MGAT4C: variants seen among roughly 807,000 people sequenced by gnomAD.
The protein encoded by MGAT4C is MGAT4 family member C, also known as alpha-1,3-mannosyl-glycoprotein 4-beta-N-acetylglucosaminyltransferase C.
A neutral mutation model predicts 40.1 loss-of-function variants in MGAT4C; 19 were observed. The observed-to-expected ratio is 0.47, with a 90% CI of 0.33 to 0.70. The LOEUF is 0.70. MGAT4C is among the 30% of genes least tolerant of loss of function. The pLI, the probability that MGAT4C is intolerant of heterozygous loss-of-function variation, is 0.02. For missense variants in MGAT4C, 491 were observed against 563.2 expected (o/e 0.87, Z 1.30); for synonymous variants, 181 against 187.1 (o/e 0.97, Z 0.27).
intron 2 of MGAT4C, among the ~76,000 whole-genome samples, chr12:86,565,365 T>G (rs181520933): frequency 1.8e-4 from 27 of 149,884 alleles, no homozygotes; most frequent in Non-Finnish European, 3.3e-4. Context: ...TATGATCAGT[T>G]GACAGAGGAA....
intron 1 of MGAT4C, among the ~76,000 whole-genome samples, chr12:86,177,228 G>A (rs1887549060): frequency 6.6e-6 from 1 of 152,072 alleles, no homozygotes; most frequent in South Asian, 2.1e-4. Flanking sequence ...AAGCAATTGG[G>A]CAGTCTAATT....
At chr12:86,300,500 G>A (rs9919782) in intron 4 of MGAT4C, among the ~76,000 whole-genome samples, 61 of 152,038 alleles carry the variant, frequency 4.0e-4, no homozygotes, top group African/African-American at 1.4e-3. Context: ...AAATGGAATG[G>A]GAAAGACAGA....
chr12:86,388,674 T>C (rs1182979153), intron 3 of MGAT4C, among the ~76,000 whole-genome samples: 1 of 147,436 alleles, frequency 6.8e-6, no homozygotes, highest in Non-Finnish European at 1.5e-5. Context: ...CAGCGTTTTT[T>C]GTTTTTTTTT....
At chr12:86,608,389 G>A (rs1318563651) in intron 2 of MGAT4C, among the ~76,000 whole-genome samples, 2 of 151,864 alleles carry the variant, frequency 1.3e-5, no homozygotes, top group South Asian at 2.1e-4. Context: ...GACCAGCCTG[G>A]GCAATATAGA....
intron 1 of MGAT4C, among the ~76,000 whole-genome samples, chr12:86,066,313 T>C (rs1592833948): frequency 6.6e-6 from 1 of 151,958 alleles, no homozygotes; most frequent in Non-Finnish European, 1.5e-5. Flanking sequence ...CAAACTATAC[T>C]ACAAGTCTAC....
chr12:86,596,586 C>T (rs1961546555), intron 2 of MGAT4C, among the ~76,000 whole-genome samples: 1 of 152,076 alleles, frequency 6.6e-6, no homozygotes, highest in South Asian at 2.1e-4. Context: ...TTATATTGCT[C>T]AAAAGGTTTT....
chr12:86,040,068 C>A (rs989816598), intron 2 of MGAT4C, among the ~76,000 whole-genome samples: 3 of 152,122 alleles, frequency 2.0e-5, no homozygotes, highest in African/African-American at 7.2e-5. Context: ...GCAGAACAAC[C>A]AAGATTGCTG....
In MGAT4C at chr12:85,975,594, G is replaced by A. The variant is rs1883914005; in HGVS notation, c.*3695C>T. ...TGTTTTGTCTCCCATGAAGACAAAA[G>A]GCATGCATATAAAATTTGTTGAAAC... On this transcript the variant is annotated 3_prime_UTR_variant, in exon 5 of 5. Coordinates refer to ENST00000611864, the MANE Select transcript of MGAT4C (RefSeq NM_001351288.2). 1 of 150,740 alleles carries A rather than the reference G, an allele frequency of 6.6e-6. No homozygotes were observed. Among genetic ancestry groups the A allele is most frequent in the Non-Finnish European group, 1.5e-5 (1 of 67,050 alleles). 9.3% of individuals were successfully genotyped at this position (150,740 alleles called of 1,614,324 possible).
chr12:86,494,791 T>C (rs1329916542), intron 2 of MGAT4C, among the ~76,000 whole-genome samples: 2 of 151,838 alleles, frequency 1.3e-5, no homozygotes, highest in African/African-American at 2.4e-5. Context: ...ATAATAAAAA[T>C]AGGCAACTAG....
intron 2 of MGAT4C, among the ~76,000 whole-genome samples, chr12:86,493,868 G>T (rs112496293): frequency 1.3e-5 from 2 of 151,890 alleles, no homozygotes. Context: ...ATAGAAAACC[G>T]TATGTTTAGG....
intron 1 of MGAT4C, among the ~76,000 whole-genome samples, chr12:86,253,268 G>C (rs2136080970): frequency 6.6e-6 from 1 of 151,888 alleles, no homozygotes; most frequent in African/African-American, 2.4e-5. Context: ...GTACCTAGAA[G>C]AGTGCCTGGC....
intron 2 of MGAT4C, among the ~76,000 whole-genome samples, chr12:86,450,887 T>C (rs1957416011): frequency 6.6e-6 from 1 of 152,194 alleles, no homozygotes; most frequent in African/African-American, 2.4e-5. Context: ...TATGTATTCA[T>C]ACTTTTATAT....
intron 4 of MGAT4C, among the ~76,000 whole-genome samples, chr12:86,267,813 T>C (rs1457891086): frequency 6.6e-6 from 1 of 152,134 alleles, no homozygotes; most frequent in African/African-American, 2.4e-5. Flanking sequence ...ATTGTTAAGA[T>C]CTTAGAACCA....
At chr12:86,065,317 A>G (rs1308878874) in intron 1 of MGAT4C, among the ~76,000 whole-genome samples, 1 of 152,216 alleles carries the variant, frequency 6.6e-6, no homozygotes, top group East Asian at 1.9e-4. Context: ...CCTCAATAAA[A>G]TATTGGCAAA....
intron 4 of MGAT4C, among the ~76,000 whole-genome samples, chr12:86,273,147 T>C (rs1382155199): frequency 2.6e-5 from 4 of 152,116 alleles, no homozygotes; most frequent in African/African-American, 7.2e-5. Context: ...CAAGATCAAT[T>C]TCCTGGATGT....
At chr12:86,712,594 T>C (rs866513934) in intron 2 of MGAT4C, among the ~76,000 whole-genome samples, 1 of 152,170 alleles carries the variant, frequency 6.6e-6, no homozygotes, top group African/African-American at 2.4e-5. Context: ...GACGAAACTA[T>C]TATTTTTGAA....
intron 1 of MGAT4C, among the ~76,000 whole-genome samples, chr12:86,178,709 T>C (rs1887764186): frequency 6.6e-6 from 1 of 152,348 alleles, no homozygotes; most frequent in Admixed American, 6.5e-5. Flanking sequence ...ACTCTTGTTA[T>C]GAAACCATTA....
At chr12:86,661,906 C>T (rs1963989243) in intron 2 of MGAT4C, among the ~76,000 whole-genome samples, 1 of 152,022 alleles carries the variant, frequency 6.6e-6, no homozygotes, top group South Asian at 2.1e-4. Flanking sequence ...CACTGTGCTC[C>T]AGCCAGGGCA....
Position 86,250,883 on chromosome 12 carries a change from A to C in MGAT4C, c.-57+5356T>G, listed in dbSNP as rs538930025. On this transcript the variant is annotated intron_variant, in intron 1 of 4. Transcript: ENST00000611864. ...AGTAATTAGTATGATTGGTTCCCAA[A>C]ATTGTGTTTGTACTATACCAGAGTT... Among the ~76,000 whole-genome samples, 86 of 152,190 alleles carry C rather than the reference A, an allele frequency of 5.7e-4. 1 individual carries two copies. The highest frequency in any genetic ancestry group is 7.4e-5 in the Non-Finnish European group (5 of 67,972).
Sources: gnomAD v4.1 joint callset for allele counts (sites outside exome capture counted in the v4.1 genomes callset) on GRCh38, gnomAD v4.1.1 for gene constraint, MANE v1.5 for transcripts, NCBI Gene and HGNC (gene_info 2026-07-23, HGNC 2026-07-21) for gene names.